Variants in DPP6 observed in about 807,000 individuals in gnomAD.
The protein encoded by DPP6 is A-type potassium channel modulatory protein DPP6.
In DPP6, 69 loss-of-function variants were observed where a neutral mutation model predicts 122.6. That is an observed-to-expected ratio of 0.56 (90% CI 0.46 to 0.69). The LOEUF is 0.69. Among genes scored for constraint, DPP6 ranks in the 30% least tolerant of loss-of-function variants. The pLI, the probability that DPP6 is intolerant of heterozygous loss-of-function variation, is 0.00. For synonymous variants in DPP6, 418 were observed against 433.1 expected (o/e 0.97, Z 0.43); for missense variants, 928 against 1,116.9 (o/e 0.83, Z 2.41).
At chr7:154,564,469 A>T (rs1054341877) in intron 4 of DPP6, among the ~76,000 whole-genome samples, 1 of 152,234 alleles carries the variant, frequency 6.6e-6, no homozygotes, top group African/African-American at 2.4e-5. Context: ...GGAAGAAAAC[A>T]TGCATTCATA....
At chr7:154,218,908 C>T (rs1342334831) in intron 1 of DPP6, among the ~76,000 whole-genome samples, 2 of 152,148 alleles carry the variant, frequency 1.3e-5, no homozygotes, top group African/African-American at 4.8e-5. Flanking sequence ...AAAGCTAGTG[C>T]TAGAATTTAA....
the DPP6 span, among the ~76,000 whole-genome samples, chr7:153,830,460 T>G: frequency 6.6e-6 from 1 of 152,214 alleles, no homozygotes; most frequent in African/African-American, 2.4e-5. Context: ...CTTTGATTAA[T>G]GGTCTTAAGA....
intron 1 of DPP6, among the ~76,000 whole-genome samples, chr7:153,975,645 A>T (rs1360578609): frequency 6.6e-6 from 1 of 152,220 alleles, no homozygotes; most frequent in Non-Finnish European, 1.5e-5. Context: ...ACCTTGGTCA[A>T]AATAAGAATG....
rs142858110 is a variant in DPP6, at chr7:154,580,061, G to A, written c.627+13145G>A. Among the ~76,000 whole-genome samples, 80 of 152,066 alleles carry A rather than the reference G, an allele frequency of 5.3e-4. 1 individual carries two copies. The East Asian group carries it at 0.014, about 26-fold the overall frequency. ...TTTCTGGGCAGGCTGAGTTTCCCGC[G>A]CGTCGGAGGGGATAGGATGTAGCGG... On this transcript the variant is annotated intron_variant, in intron 5 of 25. Coordinates refer to ENST00000377770, the MANE Select transcript of DPP6 (RefSeq NM_130797.4).
intron 1 of DPP6, among the ~76,000 whole-genome samples, chr7:153,926,483 G>A (rs1461863967): frequency 6.6e-6 from 1 of 152,156 alleles, no homozygotes; most frequent in Non-Finnish European, 1.5e-5. Flanking sequence ...TCCTCCACTT[G>A]ATTTGTAGAG....
intron 6 of DPP6, among the ~76,000 whole-genome samples, chr7:154,658,518 C>T (rs1181222687): frequency 6.6e-6 from 1 of 152,116 alleles, no homozygotes; most frequent in African/African-American, 2.4e-5. Context: ...GGAGGAGCAC[C>T]AGGTACTTCA....
chr7:154,342,130 A>G (rs1809987775), intron 1 of DPP6, among the ~76,000 whole-genome samples: 1 of 152,236 alleles, frequency 6.6e-6, no homozygotes, highest in Non-Finnish European at 1.5e-5. Context: ...AAGAAAAGAC[A>G]TTACAGCTGA....
chr7:154,857,606 A>T (rs532501697), intron 17 of DPP6, among the ~76,000 whole-genome samples: 49 of 152,310 alleles, frequency 3.2e-4, no homozygotes, highest in Non-Finnish European at 5.9e-4. Flanking sequence ...AACAAAATGC[A>T]CTGAGTTTTC....
At chr7:154,267,371 A>ATAT (rs1315322623) in intron 1 of DPP6, among the ~76,000 whole-genome samples, 8 of 147,802 alleles carry the variant, frequency 5.4e-5, no homozygotes, top group Non-Finnish European at 8.9e-5. Flanking sequence ...GTAACAAATT[A>ATAT]TATATATATT....
intron 1 of DPP6, among the ~76,000 whole-genome samples, chr7:154,188,753 T>C (rs1205273656): frequency 6.6e-6 from 1 of 152,234 alleles, no homozygotes; most frequent in Non-Finnish European, 1.5e-5. Flanking sequence ...TTTACACTGA[T>C]GTGCAACAAG....
intron 1 of DPP6, among the ~76,000 whole-genome samples, chr7:153,988,502 A>G (rs929434414): frequency 1.9e-4 from 29 of 152,164 alleles, no homozygotes; most frequent in Admixed American, 1.8e-3. Flanking sequence ...GGAGGCTTGC[A>G]CATTTGTTTG....
intron 3 of DPP6, among the ~76,000 whole-genome samples, chr7:154,480,687 C>T: frequency 6.6e-6 from 1 of 152,108 alleles, no homozygotes; most frequent in East Asian, 1.9e-4. Context: ...ACTGATGATT[C>T]CTAAACATAT....
chr7:154,402,487 C>T (rs1815708454), intron 1 of DPP6, among the ~76,000 whole-genome samples: 1 of 150,414 alleles, frequency 6.6e-6, no homozygotes, highest in Non-Finnish European at 1.5e-5. Flanking sequence ...TCTCAGTAAA[C>T]TATCGCAAGA....
chr7:154,550,687 A>G (rs558467049), intron 4 of DPP6, among the ~76,000 whole-genome samples: 1 of 152,240 alleles, frequency 6.6e-6, no homozygotes, highest in South Asian at 2.1e-4. Flanking sequence ...AAGTGTAAAC[A>G]CATCTAAACA....
chr7:154,327,913 G>A (rs1412815204), intron 1 of DPP6, among the ~76,000 whole-genome samples: 1 of 152,162 alleles, frequency 6.6e-6, no homozygotes, highest in African/African-American at 2.4e-5. Flanking sequence ...TCTGCCTTCA[G>A]TGGAAATACA....
chr7:154,267,958 C>T (rs1159847688), intron 1 of DPP6, among the ~76,000 whole-genome samples: 4 of 147,136 alleles, frequency 2.7e-5, no homozygotes, highest in Non-Finnish European at 4.5e-5. Flanking sequence ...CTTATAAACA[C>T]ATATACACAC....
intron 1 of DPP6, among the ~76,000 whole-genome samples, chr7:153,943,732 A>G (rs1801804359): frequency 6.6e-6 from 1 of 152,196 alleles, no homozygotes; most frequent in Non-Finnish European, 1.5e-5. Context: ...TGCCAGAAAA[A>G]TGTGTCTGCC....
chr7:153,897,636 G>A (rs2128996772), intron 1 of DPP6, among the ~76,000 whole-genome samples: 1 of 152,270 alleles, frequency 6.6e-6, no homozygotes, highest in African/African-American at 2.4e-5. Flanking sequence ...TAGGGAAAAT[G>A]TCTCTATTTC....
intron 10 of DPP6, among the ~76,000 whole-genome samples, chr7:154,785,927 A>G (rs1402535334): frequency 1.3e-5 from 2 of 151,548 alleles, no homozygotes; most frequent in Non-Finnish European, 2.9e-5. Flanking sequence ...CCTTTTTTCA[A>G]ATCCTCTCAG....
Sources: gnomAD v4.1 joint callset for allele counts (sites outside exome capture counted in the v4.1 genomes callset) on GRCh38, gnomAD v4.1.1 for gene constraint, MANE v1.5 for transcripts, NCBI Gene and HGNC (gene_info 2026-07-23, HGNC 2026-07-21) for gene names.